The following CENPP variants were observed in gnomAD, a reference collection of about 807,000 sequenced individuals.
CENPP encodes centromere protein P.
A neutral mutation model predicts 35.6 loss-of-function variants in CENPP; 24 were observed. The observed-to-expected ratio is 0.67, with a 90% CI of 0.49 to 0.95. CENPP has a LOEUF of 0.95. CENPP is among the 40% of genes least tolerant of loss of function. The pLI, the probability that CENPP is intolerant of heterozygous loss-of-function variation, is 0.00. For synonymous variants in CENPP, 120 were observed against 125.5 expected, an observed-to-expected ratio of 0.96 and a Z score of 0.29; for missense variants, 332 against 345.3, an observed-to-expected ratio of 0.96 and a Z score of 0.31.
At chr9:92,459,497 T>A in intron 5 of CENPP, 1 of 786,846 alleles carries the variant, frequency 1.3e-6, no homozygotes, top group Non-Finnish European at 2.0e-6. Context: ...TTAAAACACC[T>A]CATGCAACCT....
chr9:92,496,238 G>A (rs887968649), intron 5 of CENPP: 2 of 1,499,286 alleles, frequency 1.3e-6, no homozygotes, highest in South Asian at 1.4e-5. Flanking sequence ...GGAGGATTAT[G>A]TCTCTCTTAT....
At chr9:92,367,289 C>T (rs1841910955) in intron 4 of CENPP, among the ~76,000 whole-genome samples, 1 of 152,146 alleles carries the variant, frequency 6.6e-6, no homozygotes, top group African/African-American at 2.4e-5. Context: ...GCCTCAGCCT[C>T]CCGAGTAGCT....
Position 92,576,853 on chromosome 9 carries a change from CA to C in CENPP, c.565-34460del, listed in dbSNP as rs1460568159. Among the ~76,000 whole-genome samples, 3 of 152,220 alleles carry C rather than the reference CA, an allele frequency of 2.0e-5. No individual in the cohort carries two copies. In the East Asian group the frequency reaches 5.8e-4, roughly 29 times the overall value. On this transcript the variant is annotated intron_variant, in intron 5 of 7. Coordinates refer to ENST00000375587, the MANE Select transcript of CENPP (RefSeq NM_001012267.3). ...AAGTAGTATGTATGGCAGGTAAAGA[CA>C]GACAACTCAGTATGAAAATAGGTAA...
At chr9:92,338,691 A>G (rs534113104) in intron 3 of CENPP, among the ~76,000 whole-genome samples, 5 of 152,002 alleles carry the variant, frequency 3.3e-5, no homozygotes, top group African/African-American at 1.2e-4. Context: ...GGCTGACTAT[A>G]TTTATTAATT....
intron 5 of CENPP, chr9:92,385,888 C>G (rs902467716): frequency 2.8e-5 from 30 of 1,068,280 alleles, no homozygotes; most frequent in Non-Finnish European, 3.1e-5. Context: ...GGTCTGAGTG[C>G]CCCCTCACTT....
chr9:92,540,865 T>C (rs926514315), intron 5 of CENPP, among the ~76,000 whole-genome samples: 1 of 151,858 alleles, frequency 6.6e-6, no homozygotes, highest in African/African-American at 2.4e-5. Context: ...GCCTTGCGAG[T>C]GTTTGCTAAA....
At chr9:92,493,959 T>G in intron 5 of CENPP, 1 of 794,720 alleles carries the variant, frequency 1.3e-6, no homozygotes, top group Non-Finnish European at 2.0e-6. Context: ...TCCAGGCCGT[T>G]GAGGGTGGCC....
At chr9:92,550,542 A>C (rs756385808) in intron 5 of CENPP, among the ~76,000 whole-genome samples, 2 of 150,556 alleles carry the variant, frequency 1.3e-5, no homozygotes, top group African/African-American at 4.9e-5. Context: ...GTTTTCTTAG[A>C]CCTGTTTTTT....
chr9:92,367,863 G>A lies in CENPP; in HGVS notation c.468-11900G>A, dbSNP rs555988676. On this transcript the variant is annotated intron_variant, in intron 4 of 7. Coordinates refer to ENST00000375587, the MANE Select transcript of CENPP (RefSeq NM_001012267.3). ...ACTCCTGACCTCAGGCGATTCACCC[G>A]CCTTAGCCGCCCAAAGCACTGGGAT... 3.0e-4 allele frequency among the ~76,000 whole-genome samples: 45 copies of A among 152,212 alleles called. No homozygotes were observed. The South Asian group carries it at 8.7e-3, about 29-fold the overall frequency.
chr9:92,478,626 A>G (rs533967243), intron 5 of CENPP, among the ~76,000 whole-genome samples: 11 of 151,876 alleles, frequency 7.2e-5, no homozygotes, highest in Non-Finnish European at 1.5e-4. Context: ...CTAATTTTTT[A>G]TATTTTTGTA....
Position 92,618,421 on chromosome 9 carries a change from G to A in CENPP, c.*5272G>A, listed in dbSNP as rs1482162087. 2.2e-6 allele frequency: 1 copy of A among 456,664 alleles called. No individual in the cohort carries two copies. The highest frequency in any genetic ancestry group is 2.3e-5 in the Admixed American group (1 of 42,574). The allele number at this position is 456,664 out of a possible 1,614,324, so 28.3% of individuals were successfully genotyped here. On this transcript the variant is annotated 3_prime_UTR_variant, in exon 8 of 8. Coordinates refer to ENST00000375587, the MANE Select transcript of CENPP (RefSeq NM_001012267.3). Reference sequence around the variant, plus strand: ...TGACCAGGCACTAAGAGATTCCCAGGTGCTAGACGAGGTGAGTAACATGTC... The same window carrying A: ...TGACCAGGCACTAAGAGATTCCCAGATGCTAGACGAGGTGAGTAACATGTC...
At chr9:92,572,557 A>G (rs1417104486) in intron 5 of CENPP, among the ~76,000 whole-genome samples, 1 of 152,042 alleles carries the variant, frequency 6.6e-6, no homozygotes, top group Non-Finnish European at 1.5e-5. Flanking sequence ...GAATCTGACA[A>G]TTATGTGTCT....
At chr9:92,595,975 CT>C (rs1279514815) in intron 5 of CENPP, among the ~76,000 whole-genome samples, 1 of 151,990 alleles carries the variant, frequency 6.6e-6, no homozygotes, top group Non-Finnish European at 1.5e-5. Context: ...ATTATTTAAA[CT>C]TTAAATTCTA....
chr9:92,405,223 A>T (rs1052012660), intron 5 of CENPP, among the ~76,000 whole-genome samples: 2 of 152,112 alleles, frequency 1.3e-5, no homozygotes, highest in African/African-American at 2.4e-5. Context: ...AATTACTTTA[A>T]TATTGAAATT....
intron 4 of CENPP, among the ~76,000 whole-genome samples, chr9:92,351,315 A>G (rs552557034): frequency 1.7e-4 from 26 of 152,086 alleles, no homozygotes; most frequent in Non-Finnish European, 2.2e-4. Context: ...CCCTGTCTCT[A>G]CTAAAAATAC....
chr9:92,414,504 G>T (rs1263923606), intron 5 of CENPP: 2 of 209,130 alleles, frequency 9.6e-6, no homozygotes, highest in Non-Finnish European at 9.7e-6. Flanking sequence ...TTGTTGTTTT[G>T]GTATTCTGAG....
At chr9:92,604,571 T>C (rs1196418919) in intron 5 of CENPP, among the ~76,000 whole-genome samples, 1 of 152,214 alleles carries the variant, frequency 6.6e-6, no homozygotes, top group Non-Finnish European at 1.5e-5. Context: ...TTTTCTCTTA[T>C]GGTCACTGCT....
chr9:92,404,374 AAATT>A, intron 5 of CENPP: 2 of 533,962 alleles, frequency 3.7e-6, no homozygotes, highest in Non-Finnish European at 5.7e-6. Flanking sequence ...TACTTCTTAA[AAATT>A]AATTGAGGTA....
At chr9:92,494,299 A>G in intron 5 of CENPP, 2 of 616,182 alleles carry the variant, frequency 3.2e-6, no homozygotes, top group Middle Eastern at 2.6e-4. Flanking sequence ...GCCTTAAACC[A>G]TTTATGTCAA....
Sources: allele counts gnomAD v4.1 joint callset (sites outside exome capture counted in the v4.1 genomes callset), GRCh38; gene constraint gnomAD v4.1.1; transcripts MANE v1.5; gene names NCBI Gene and HGNC (gene_info 2026-07-23, HGNC 2026-07-21).